Variants in COTL1 observed in about 807,000 individuals in gnomAD.
COTL1 encodes the protein coactosin-like protein.
COTL1 carries 15 observed loss-of-function variants against 16.5 expected under a neutral mutation model. That is an observed-to-expected ratio of 0.91 (90% CI 0.61 to 1.40). COTL1 has a LOEUF of 1.40. Among genes scored for constraint, COTL1 ranks in the 40% most tolerant of loss-of-function variants. The probability of loss-of-function intolerance (pLI) is 0.00; values close to 1 mark genes in which losing one functional copy is unlikely to be tolerated. For synonymous variants in COTL1, 112 were observed against 85.3 expected (o/e 1.31, Z -1.73); for missense variants, 220 against 201.5 (o/e 1.09, Z -0.56).
At chr16:84,610,019 G>C (rs1905288376) in intron 2 of COTL1, among the ~76,000 whole-genome samples, 1 of 152,300 alleles carries the variant, frequency 6.6e-6, no homozygotes, top group South Asian at 2.1e-4. Context: ...GTTGGTGTGG[G>C]GGTAGGAACA....
At chr16:84,602,716 A>G (rs1332297900) in intron 2 of COTL1, among the ~76,000 whole-genome samples, 1 of 152,092 alleles carries the variant, frequency 6.6e-6, no homozygotes, top group Non-Finnish European at 1.5e-5. Flanking sequence ...TTAGCCATTC[A>G]TGGTGGTGCA....
chr16:84,585,567 G>A (rs535702821), intron 3 of COTL1, among the ~76,000 whole-genome samples: 17 of 152,294 alleles, frequency 1.1e-4, no homozygotes, highest in African/African-American at 2.6e-4. Flanking sequence ...AAAAAGTGCA[G>A]CTGGGGAAGT....
chr16:84,606,470 G>A (rs1264495425), intron 2 of COTL1, among the ~76,000 whole-genome samples: 2 of 152,262 alleles, frequency 1.3e-5, no homozygotes, highest in Non-Finnish European at 1.5e-5. Flanking sequence ...TGACCTGGTT[G>A]CCCCACGGGG....
chr16:84,583,730 G>T lies in COTL1; in HGVS notation c.318+6375C>A, dbSNP rs1391686882. On this transcript the variant is annotated intron_variant, in intron 3 of 3. Coordinates refer to ENST00000262428, the MANE Select transcript of COTL1 (RefSeq NM_021149.5). ...CTGCCTTGGTCTCCCAAAATGTTGG[G>T]ATTACAGGTGTGCGCCACTAAGCCT... 2.6e-5 allele frequency among the ~76,000 whole-genome samples: 4 copies of T among 152,298 alleles called. No homozygotes were observed. In the South Asian group the frequency reaches 6.2e-4, roughly 24 times the overall value.
chr16:84,569,650 T>G (rs1331507229), intron 3 of COTL1, among the ~76,000 whole-genome samples: 2 of 152,320 alleles, frequency 1.3e-5, no homozygotes, highest in East Asian at 1.9e-4. Context: ...TTGGAGAGAT[T>G]TGCCCAGAAT....
intron 2 of COTL1, among the ~76,000 whole-genome samples, chr16:84,614,398 GA>G (rs1275217524): frequency 1.3e-5 from 2 of 151,936 alleles, no homozygotes; most frequent in Non-Finnish European, 2.9e-5. Context: ...TGGCCCTCTG[GA>G]AAACAGCTCT....
chr16:84,572,461 G>A (rs1333659478), intron 3 of COTL1, among the ~76,000 whole-genome samples: 1 of 152,120 alleles, frequency 6.6e-6, no homozygotes, highest in Non-Finnish European at 1.5e-5. Flanking sequence ...CACACAGAAT[G>A]TTAATTTCTC....
intron 3 of COTL1, among the ~76,000 whole-genome samples, chr16:84,586,081 G>A (rs1904725648): frequency 6.6e-6 from 1 of 152,172 alleles, no homozygotes; most frequent in Non-Finnish European, 1.5e-5. Context: ...TGAGGAAAGA[G>A]GCCTCTCTCT....
intron 2 of COTL1, among the ~76,000 whole-genome samples, chr16:84,599,247 C>T (rs1045039379): frequency 2.6e-5 from 4 of 152,194 alleles, no homozygotes; most frequent in South Asian, 2.1e-4. Flanking sequence ...GTCTCCTCTG[C>T]GTATCGCCAA....
At chr16:84,612,135 T>C (rs1376088971) in intron 2 of COTL1, among the ~76,000 whole-genome samples, 1 of 152,194 alleles carries the variant, frequency 6.6e-6, no homozygotes, top group Non-Finnish European at 1.5e-5. Context: ...TTGACATTTA[T>C]GGAGTGCTCA....
At chr16:84,617,637 G>A in intron 1 of COTL1, 54 bp from the exon 2 acceptor site, 1 of 1,516,206 alleles carries the variant, frequency 6.6e-7, no homozygotes, top group Non-Finnish European at 9.0e-7. Context: ...TGGTGGCCGC[G>A]CGACGCGGCG....
At chr16:84,571,981 CA>C (rs1291294908) in intron 3 of COTL1, among the ~76,000 whole-genome samples, 5 of 152,374 alleles carry the variant, frequency 3.3e-5, no homozygotes, top group African/African-American at 1.2e-4. Context: ...ACCTTCCATT[CA>C]GGGCGTGGAC....
intron 2 of COTL1, among the ~76,000 whole-genome samples, chr16:84,615,767 G>A (rs1469974504): frequency 6.6e-6 from 1 of 152,182 alleles, no homozygotes; most frequent in Non-Finnish European, 1.5e-5. Context: ...CATCGTTGCA[G>A]TGCTTTATGC....
chr16:84,581,443 C>T (rs1597171189), intron 3 of COTL1, among the ~76,000 whole-genome samples: 1 of 152,168 alleles, frequency 6.6e-6, no homozygotes, highest in East Asian at 1.9e-4. Flanking sequence ...AATCTCATCC[C>T]ATGGAGGGTT....
intron 2 of COTL1, among the ~76,000 whole-genome samples, chr16:84,612,170 T>G (rs2150697501): frequency 6.6e-6 from 1 of 152,298 alleles, no homozygotes; most frequent in South Asian, 2.1e-4. Flanking sequence ...GCATAAGGAC[T>G]TGCTTCCTTA....
chr16:84,566,444 C>A lies in COTL1; in HGVS notation c.*401G>T. 1 of 159,368 alleles carries A rather than the reference C, an allele frequency of 6.3e-6. No individual in the cohort carries two copies. The allele number at this position is 159,368 out of a possible 1,614,324, so 9.9% of individuals were successfully genotyped here. On this transcript the variant is annotated 3_prime_UTR_variant, in exon 4 of 4. Coordinates refer to ENST00000262428, the MANE Select transcript of COTL1 (RefSeq NM_021149.5). ...GGAAAACTGAGATGGCAAAATAGGC[C>A]CGGGCTCTGGAAAGCAACGTGAGGT...
chr16:84,568,784 A>G (rs1904309487), intron 3 of COTL1: 3 of 152,222 alleles, frequency 2.0e-5, no homozygotes, highest in Admixed American at 1.3e-4. Flanking sequence ...ACCTCAATCA[A>G]GTTCTTTTTA....
chr16:84,576,173 C>G (rs1488580695), intron 3 of COTL1: 1 of 152,206 alleles, frequency 6.6e-6, no homozygotes, highest in East Asian at 1.9e-4. Context: ...AACCCCAAAG[C>G]CAGGCCCAGG....
intron 2 of COTL1, among the ~76,000 whole-genome samples, chr16:84,615,740 G>A (rs547933055): frequency 6.6e-6 from 1 of 152,268 alleles, no homozygotes; most frequent in African/African-American, 2.4e-5. Context: ...TTCAAATCCT[G>A]CCCTGCCAAC....
Sources: allele counts gnomAD v4.1 joint callset (sites outside exome capture counted in the v4.1 genomes callset), GRCh38; gene constraint gnomAD v4.1.1; transcripts MANE v1.5; gene names NCBI Gene and HGNC (gene_info 2026-07-23, HGNC 2026-07-21).